Variants in CAMTA1 observed in about 807,000 individuals in gnomAD.
CAMTA1 encodes the protein calmodulin-binding transcription activator 1.
CAMTA1 carries 27 observed loss-of-function variants against 170.9 expected under a neutral mutation model. The ratio of observed to expected loss-of-function variants is 0.16; its 90% CI spans 0.12 to 0.22. CAMTA1 has a LOEUF of 0.22. Among genes scored for constraint, CAMTA1 ranks in the 10% least tolerant of loss-of-function variants. CAMTA1 has a pLI of 1.00. For missense variants in CAMTA1, 1,619 were observed against 2,217.2 expected, an observed-to-expected ratio of 0.73 and a Z score of 5.42; for synonymous variants, 833 against 891.5, an observed-to-expected ratio of 0.93 and a Z score of 1.17.
intron 4 of CAMTA1, among the ~76,000 whole-genome samples, chr1:7,217,386 G>A (rs1050106062): frequency 6.6e-6 from 1 of 152,184 alleles, no homozygotes; most frequent in Non-Finnish European, 1.5e-5. Flanking sequence ...GTTCTTTATA[G>A]CAGTGTGAGA....
intron 6 of CAMTA1, among the ~76,000 whole-genome samples, chr1:7,616,477 A>T (rs72867156): frequency 2.3e-3 from 343 of 152,384 alleles, no homozygotes; most frequent in African/African-American, 8.0e-3. Flanking sequence ...CGAACCGGTC[A>T]GCCCAGGACT....
Position 7,007,718 on chromosome 1 carries a change from C to T in CAMTA1, c.235-83586C>T, listed in dbSNP as rs58634089. 2.5e-3 allele frequency among the ~76,000 whole-genome samples: 382 copies of T among 152,276 alleles called. No individual in the cohort carries two copies. The highest frequency in any genetic ancestry group is 8.7e-3 in the African/African-American group (363 of 41,570). Reference sequence around the variant, plus strand: ...ACCCCCTGTGGGGCTCCCGGGGCGTCGCTTCTGCCTCTTCCAGTGCTTTCC... The same window carrying T: ...ACCCCCTGTGGGGCTCCCGGGGCGTTGCTTCTGCCTCTTCCAGTGCTTTCC... On this transcript the variant is annotated intron_variant, in intron 3 of 22. Transcript: ENST00000303635. This position sits in a 1 kb window ranked among gnomAD's most constrained non-coding sequence, Gnocchi z 4.5.
intron 4 of CAMTA1, among the ~76,000 whole-genome samples, chr1:7,245,785 T>G (rs948850285): frequency 6.6e-6 from 1 of 152,082 alleles, no homozygotes. Flanking sequence ...CAGAAGGAGA[T>G]CCCGAGATGA....
intron 1 of CAMTA1, among the ~76,000 whole-genome samples, chr1:6,789,061 T>A (rs557467278): frequency 6.0e-4 from 91 of 152,300 alleles, no homozygotes; most frequent in African/African-American, 2.0e-3. Flanking sequence ...TCTTCCTCCT[T>A]TGTCTTCTTG....
chr1:7,350,586 C>T (rs965869770), intron 5 of CAMTA1, among the ~76,000 whole-genome samples: 8 of 152,144 alleles, frequency 5.3e-5, no homozygotes, highest in Non-Finnish European at 8.8e-5. Flanking sequence ...GTTCCTTTAC[C>T]GGGAAGTTCC....
At chr1:6,898,450 G>T (rs1184115610) in intron 3 of CAMTA1, among the ~76,000 whole-genome samples, 6 of 152,210 alleles carry the variant, frequency 3.9e-5, no homozygotes, top group Admixed American at 2.6e-4. Context: ...CTACTCGGGA[G>T]GCTGAGGCAG....
At chr1:7,483,543 C>T (rs573609979) in intron 6 of CAMTA1, among the ~76,000 whole-genome samples, 1 of 152,304 alleles carries the variant, frequency 6.6e-6, no homozygotes, top group South Asian at 2.1e-4. Context: ...CTGGGGAGAA[C>T]TGTAAAAGCC....
chr1:6,850,987 T>C (rs1295265893), intron 3 of CAMTA1, among the ~76,000 whole-genome samples: 5 of 152,182 alleles, frequency 3.3e-5, no homozygotes, highest in Admixed American at 3.3e-4. Flanking sequence ...TTTCTTTCAT[T>C]AATAGAAGAA....
chr1:7,649,019 G>A lies in CAMTA1; in HGVS notation c.664+8466G>A, dbSNP rs529387524. 3.3e-5 allele frequency among the ~76,000 whole-genome samples: 5 copies of A among 152,356 alleles called. No homozygotes were observed. In the South Asian group the frequency reaches 8.3e-4, roughly 25 times the overall value. ...TGGAGGCCACACGGAGCTTAGTGTA[G>A]CCACACTCCCAGAGGAAGCCAGTCC... On this transcript the variant is annotated intron_variant, in intron 7 of 22. Coordinates refer to ENST00000303635, the MANE Select transcript of CAMTA1 (RefSeq NM_015215.4).
intron 4 of CAMTA1, among the ~76,000 whole-genome samples, chr1:7,196,237 C>A (rs1172939383): frequency 6.6e-6 from 1 of 152,118 alleles, no homozygotes; most frequent in African/African-American, 2.4e-5. Flanking sequence ...CCTGGTAAGA[C>A]GTGCTTGCTT....
Position 7,663,873 on chromosome 1 carries a change from C to T in CAMTA1, c.1326C>T (p.Phe442=), listed in dbSNP as rs141193119. Residue 442 remains phenylalanine (F), a synonymous_variant, in exon 9 of 23, where the codon TTC becomes TTT. Transcript: ENST00000303635. The part of the protein sequence containing the change: ...VLAVSSDGHK[F]AFPTTGSSES... ...CCGTGAGCTCTGATGGCCACAAGTT[C>T]GCCTTTCCCACCACGGGCAGCTCGG... 7.9e-5 allele frequency: 128 copies of T among 1,614,000 alleles called. No homozygotes were observed. The East Asian group carries it at 1.0e-3, about 13-fold the overall frequency.
chr1:7,632,242 G>A (rs993329806), intron 6 of CAMTA1, among the ~76,000 whole-genome samples: 2 of 152,220 alleles, frequency 1.3e-5, no homozygotes, highest in Admixed American at 1.3e-4. Flanking sequence ...AGCTTGTGAC[G>A]CAGGCAATGC....
At chr1:6,853,091 A>G (rs1661042015) in intron 3 of CAMTA1, 4 of 152,370 alleles carry the variant, frequency 2.6e-5, no homozygotes, top group Admixed American at 1.3e-4. Flanking sequence ...ACTAAAGGGA[A>G]TAATAGAAAG....
intron 4 of CAMTA1, among the ~76,000 whole-genome samples, chr1:7,107,745 C>A (rs933917173): frequency 6.6e-6 from 1 of 152,172 alleles, no homozygotes; most frequent in Non-Finnish European, 1.5e-5. Flanking sequence ...CAGGGCACAG[C>A]CTAGCCCCCA....
intron 20 of CAMTA1, among the ~76,000 whole-genome samples, chr1:7,752,226 G>A (rs2096902191): frequency 6.6e-6 from 1 of 152,176 alleles, no homozygotes; most frequent in Non-Finnish European, 1.5e-5. Context: ...AGTCTGTCTT[G>A]AAGCTGAGAG....
At chr1:7,337,621 G>A (rs1224721169) in intron 5 of CAMTA1, among the ~76,000 whole-genome samples, 7 of 151,742 alleles carry the variant, frequency 4.6e-5, no homozygotes, top group African/African-American at 1.2e-4. Context: ...TCACAATGTG[G>A]GCGGTGGGCC....
chr1:6,954,987 C>T (rs1164985415), intron 3 of CAMTA1, among the ~76,000 whole-genome samples: 1 of 152,132 alleles, frequency 6.6e-6, no homozygotes, highest in Non-Finnish European at 1.5e-5. Flanking sequence ...GTTTATTCTC[C>T]TCCGTTAGAA....
intron 3 of CAMTA1, among the ~76,000 whole-genome samples, chr1:7,080,167 GCA>G (rs1413184817): frequency 2.0e-5 from 3 of 152,142 alleles, no homozygotes; most frequent in Non-Finnish European, 4.4e-5. Context: ...TAGATTCATG[GCA>G]CACATTAGAG....
rs1406701221 is a variant in CAMTA1, at chr1:7,390,386, G to GCT, written c.439-77441_439-77440dup. On this transcript the variant is annotated intron_variant, in intron 5 of 22. Coordinates refer to ENST00000303635, the MANE Select transcript of CAMTA1 (RefSeq NM_015215.4). ...GGCCTCAGACCAGCCTCCCCTCAGA[G>GCT]CTCTATCTGGACCCTTGTGATGGAT... is the stretch of plus-strand genomic sequence containing the variant. 5.9e-5 allele frequency among the ~76,000 whole-genome samples: 9 copies of GCT among 152,292 alleles called. No homozygotes were observed. The East Asian group carries it at 1.7e-3, about 29-fold the overall frequency.
Sources: gnomAD v4.1 joint callset for allele counts (sites outside exome capture counted in the v4.1 genomes callset) on GRCh38, gnomAD v4.1.1 for gene constraint, Gnocchi (gnomAD v3.1) non-coding constraint, MANE v1.5 for transcripts, NCBI Gene and HGNC (gene_info 2026-07-23, HGNC 2026-07-21) for gene names.